LRRTM4: variants seen among roughly 807,000 people sequenced by gnomAD.
LRRTM4 encodes the protein leucine-rich repeat transmembrane neuronal protein 4.
LRRTM4 carries 25 observed loss-of-function variants against 47.6 expected under a neutral mutation model. The observed-to-expected ratio is 0.53, with a 90% CI of 0.38 to 0.73. The LOEUF is 0.73. Ranked by LOEUF, LRRTM4 falls within the 30% of genes least tolerant of loss-of-function variation. The pLI, the probability that LRRTM4 is intolerant of heterozygous loss-of-function variation, is 0.00. For missense variants in LRRTM4, 638 were observed against 713.4 expected, an observed-to-expected ratio of 0.89 and a Z score of 1.20; for synonymous variants, 311 against 269.5, an observed-to-expected ratio of 1.15 and a Z score of -1.51.
At chr2:77,101,086 C>T (rs1308049268) in intron 3 of LRRTM4, among the ~76,000 whole-genome samples, 2 of 152,024 alleles carry the variant, frequency 1.3e-5, no homozygotes, top group Non-Finnish European at 2.9e-5. Context: ...CCACCCGCCT[C>T]GGCCTCCCAA....
intron 3 of LRRTM4, among the ~76,000 whole-genome samples, chr2:77,399,750 G>T (rs1040399971): frequency 6.6e-6 from 1 of 151,942 alleles, no homozygotes; most frequent in African/African-American, 2.4e-5. Context: ...CACACAGCAA[G>T]TTGCTGAGAA....
intron 3 of LRRTM4, among the ~76,000 whole-genome samples, chr2:77,420,651 G>A (rs1020391252): frequency 2.0e-5 from 3 of 150,480 alleles, no homozygotes; most frequent in Non-Finnish European, 4.4e-5. Flanking sequence ...TTTCTGCCCA[G>A]GCCTGTGGCC....
chr2:76,832,232 T>G (rs1004955544), intron 3 of LRRTM4, among the ~76,000 whole-genome samples: 1 of 152,092 alleles, frequency 6.6e-6, no homozygotes, highest in Admixed American at 6.6e-5. Context: ...TCTAAGCAAT[T>G]TGGAAGTTTG....
chr2:77,005,951 C>T (rs1303351556), intron 3 of LRRTM4, among the ~76,000 whole-genome samples: 1 of 152,104 alleles, frequency 6.6e-6, no homozygotes, highest in African/African-American at 2.4e-5. Flanking sequence ...TACAGAGAAA[C>T]TGAGGCACAA....
At chr2:77,291,838 G>A (rs1676831804) in intron 3 of LRRTM4, among the ~76,000 whole-genome samples, 1 of 151,992 alleles carries the variant, frequency 6.6e-6, no homozygotes, top group Non-Finnish European at 1.5e-5. Context: ...AGCCAAAATT[G>A]AAAACTGGGA....
intron 3 of LRRTM4, among the ~76,000 whole-genome samples, chr2:76,905,264 T>C (rs62170292): frequency 0.37 from 55,598 of 151,870 alleles, 11,107 homozygotes; most frequent in East Asian, 0.72. Context: ...CTCTAGCAAA[T>C]TCCAACAGAC....
chr2:77,276,498 T>C (rs1254672786), intron 3 of LRRTM4, among the ~76,000 whole-genome samples: 1 of 148,346 alleles, frequency 6.7e-6, no homozygotes, highest in East Asian at 2.0e-4. Context: ...TATAGTGTGA[T>C]ATATATAATA....
At chr2:77,381,976 T>G (rs938075185) in intron 3 of LRRTM4, among the ~76,000 whole-genome samples, 1 of 152,100 alleles carries the variant, frequency 6.6e-6, no homozygotes, top group African/African-American at 2.4e-5. Flanking sequence ...ATTGGGATAT[T>G]AATAAGCTAT....
chr2:77,466,744 G>A (rs1400791237), intron 3 of LRRTM4, among the ~76,000 whole-genome samples: 1 of 143,210 alleles, frequency 7.0e-6, no homozygotes, highest in South Asian at 2.2e-4. Context: ...TGTTGCCAAG[G>A]CTGAAATGCA....
At chr2:76,845,869 G>A (rs1158664049) in intron 3 of LRRTM4, among the ~76,000 whole-genome samples, 1 of 152,096 alleles carries the variant, frequency 6.6e-6, no homozygotes, top group African/African-American at 2.4e-5. Flanking sequence ...GAAGCTAGGG[G>A]TGGTGGGAAA....
intron 3 of LRRTM4, among the ~76,000 whole-genome samples, chr2:77,311,541 G>A (rs1323329151): frequency 6.6e-6 from 1 of 152,214 alleles, no homozygotes; most frequent in East Asian, 1.9e-4. Flanking sequence ...ACTACTGCCT[G>A]TCTCCCTCAT....
At chr2:76,952,871 T>G (rs1181269939) in intron 3 of LRRTM4, among the ~76,000 whole-genome samples, 3 of 151,952 alleles carry the variant, frequency 2.0e-5, no homozygotes, top group African/African-American at 7.2e-5. Flanking sequence ...AATGATATCA[T>G]GTACTTTGCA....
intron 3 of LRRTM4, among the ~76,000 whole-genome samples, chr2:77,004,413 C>G (rs1468444727): frequency 2.0e-5 from 3 of 152,166 alleles, no homozygotes; most frequent in Admixed American, 6.5e-5. Flanking sequence ...AGCTCCAAGC[C>G]TCAGCAGCTT....
chr2:77,116,621 A>G (rs1309505102), intron 3 of LRRTM4, among the ~76,000 whole-genome samples: 1 of 152,174 alleles, frequency 6.6e-6, no homozygotes, highest in African/African-American at 2.4e-5. Flanking sequence ...TGTTCACATT[A>G]TAGGGAGAAA....
chr2:76,893,227 C>A (rs1465609206), intron 3 of LRRTM4, among the ~76,000 whole-genome samples: 2 of 151,526 alleles, frequency 1.3e-5, no homozygotes, highest in Non-Finnish European at 1.5e-5. Context: ...CACACTTGAT[C>A]TTTAAAAGAG....
intron 3 of LRRTM4, among the ~76,000 whole-genome samples, chr2:77,324,402 G>A (rs542731296): frequency 1.3e-4 from 20 of 152,222 alleles, no homozygotes; most frequent in African/African-American, 4.6e-4. Flanking sequence ...TGCTACCAAA[G>A]TAAGGAATAG....
At chr2:77,062,341 G>A (rs938882872) in intron 3 of LRRTM4, among the ~76,000 whole-genome samples, 1 of 152,156 alleles carries the variant, frequency 6.6e-6, no homozygotes, top group African/African-American at 2.4e-5. Context: ...AGTTAAGAAT[G>A]TTATCCTTTA....
chr2:77,075,914 C>CAAAAAAAAA lies in LRRTM4; in HGVS notation c.1552-327007_1552-326999dup, dbSNP rs61718845. On this transcript the variant is annotated intron_variant, in intron 3 of 3. Transcript: ENST00000409884. Reference sequence around the variant, plus strand: ...TGGGCGACAGAGCGAGACTCCGTCTCAAAAAAAAAAAAAAAAAAAAAAAAA... The same window carrying CAAAAAAAAA: ...TGGGCGACAGAGCGAGACTCCGTCTCAAAAAAAAAAAAAAAAAAAAAAAAAAAAAAAAAA... Among the ~76,000 whole-genome samples, 118 of 36,844 alleles carry CAAAAAAAAA rather than the reference C, an allele frequency of 3.2e-3. 14 individuals carry two copies. Among genetic ancestry groups the CAAAAAAAAA allele is most frequent in the East Asian group, 0.025 (22 of 884 alleles). The allele number at this position is 36,844 out of a possible 152,430, so 24.2% of individuals were successfully genotyped here. A position where few individuals can be genotyped will look rare whatever the true frequency, so the allele number is the denominator to read the frequency against.
intron 3 of LRRTM4, among the ~76,000 whole-genome samples, chr2:76,897,392 C>T (rs1673458753): frequency 6.6e-6 from 1 of 151,928 alleles, no homozygotes; most frequent in East Asian, 1.9e-4. Context: ...TTATTACCAA[C>T]TCTATTGGGC....
Sources: allele counts gnomAD v4.1 joint callset (sites outside exome capture counted in the v4.1 genomes callset), GRCh38; gene constraint gnomAD v4.1.1; transcripts MANE v1.5; gene names NCBI Gene and HGNC (gene_info 2026-07-23, HGNC 2026-07-21).